The following FSTL4 variants were observed in gnomAD, a reference collection of about 807,000 sequenced individuals.
FSTL4 encodes the protein follistatin-related protein 4.
Under a neutral mutation model 78.2 loss-of-function variants are expected in FSTL4, and 28 were observed. The ratio of observed to expected loss-of-function variants is 0.36; its 90% CI spans 0.27 to 0.49. The LOEUF is 0.49. FSTL4 is among the 20% of genes least tolerant of loss of function. The pLI, the probability that FSTL4 is intolerant of heterozygous loss-of-function variation, is 0.98. For missense variants in FSTL4, 922 were observed against 1,084.9 expected (o/e 0.85, Z 2.11); for synonymous variants, 422 against 440.5 (o/e 0.96, Z 0.53).
chr5:133,567,170 A>C lies in FSTL4; in HGVS notation c.160+16T>G, dbSNP rs1017223077. On this transcript the variant is annotated intron_variant, in intron 3 of 15. Transcript: ENST00000265342. ...CAACACTGAAAATAAAATGGGTATG[A>C]GTGCATTTTTCCTACCTTCTCTTCT... 3.2e-6 allele frequency: 5 copies of C among 1,566,654 alleles called. No individual in the cohort carries two copies. The African/African-American group carries it at 6.8e-5, about 21-fold the overall frequency.
At chr5:133,448,749 G>C (rs572591752) in intron 3 of FSTL4, among the ~76,000 whole-genome samples, 4 of 140,256 alleles carry the variant, frequency 2.9e-5, no homozygotes, top group East Asian at 2.4e-4. Context: ...CGGGGGGGGG[G>C]GGCGCTCAGA....
At chr5:133,816,421 T>A in the FSTL4 span, among the ~76,000 whole-genome samples, 1 of 152,192 alleles carries the variant, frequency 6.6e-6, no homozygotes, top group Non-Finnish European at 1.5e-5. Context: ...TGCACAGTCC[T>A]GGTTTGCTCA....
the FSTL4 span, among the ~76,000 whole-genome samples, chr5:133,671,955 G>T: frequency 6.6e-6 from 1 of 152,166 alleles, no homozygotes; most frequent in Non-Finnish European, 1.5e-5. Flanking sequence ...TGTTACCACA[G>T]GTCTTTGAAT....
chr5:133,442,450 C>T (rs1428989285), intron 3 of FSTL4, among the ~76,000 whole-genome samples: 1 of 152,020 alleles, frequency 6.6e-6, no homozygotes, highest in African/African-American at 2.4e-5. Flanking sequence ...GCCTTCTCTT[C>T]TGCAGCTTTT....
intron 7 of FSTL4, among the ~76,000 whole-genome samples, chr5:133,245,306 CCT>C (rs1320259520): frequency 6.6e-6 from 1 of 151,986 alleles, no homozygotes; most frequent in Non-Finnish European, 1.5e-5. Context: ...ACTTCTGGAC[CCT>C]CTGTTATGTG....
intron 12 of FSTL4, among the ~76,000 whole-genome samples, 185 bp from the exon 13 acceptor site, chr5:133,217,563 T>C (rs1377096200): frequency 6.6e-6 from 1 of 152,188 alleles, no homozygotes; most frequent in East Asian, 1.9e-4. Flanking sequence ...TCCTTTAATC[T>C]TTTGGGGCTA....
At chr5:133,608,797 G>C (rs1761026763) in intron 1 of FSTL4, among the ~76,000 whole-genome samples, 1 of 152,212 alleles carries the variant, frequency 6.6e-6, no homozygotes, top group African/African-American at 2.4e-5. Context: ...GAAGAAAGCT[G>C]AAAAAGCATG....
In FSTL4 at chr5:133,225,215, T is replaced by C; in HGVS notation, c.1247A>G (p.Lys416Arg). The C allele has an allele frequency of 6.2e-7, 1 of 1,614,184 alleles. No homozygotes were observed. Among genetic ancestry groups the C allele is most frequent in the Non-Finnish European group, 8.5e-7 (1 of 1,180,010 alleles). The change falls in exon 10 of 16, where the codon AAA becomes AGA. Residue 416 changes from lysine (K) to arginine (R), a missense_variant. Lys to Arg is a conservative substitution (Grantham distance 26). Transcript: ENST00000265342. This position sits in a 1 kb window ranked among gnomAD's most constrained non-coding sequence, Gnocchi z 4.6. ...EDTGAYTCIA[K>R]NEVGVDEDIS... ...ATCTTCATCCACACCCACTTCATTT[T>C]TGGCAATGCAGGTGTATGCCCCTGT...
rs530020200 is a variant in FSTL4, at chr5:133,612,456, G to T, written c.-142C>A. ...TTTCTCGGGCTGTCGGCGGGTCCCG[G>T]GCTCGCTGGAGGCTGTTGAGGCTCC... is the stretch of plus-strand genomic sequence containing the variant. On this transcript the variant is annotated 5_prime_UTR_variant, in exon 1 of 16. Coordinates refer to ENST00000265342, the MANE Select transcript of FSTL4 (RefSeq NM_015082.2). The surrounding 1 kb of genome is among the most constrained non-coding windows in gnomAD (Gnocchi z 6.2). 2.6e-5 allele frequency: 4 copies of T among 152,042 alleles called. No individual in the cohort carries two copies. In the South Asian group the frequency reaches 8.3e-4, roughly 31 times the overall value. The allele number at this position is 152,042 out of a possible 1,614,324, so 9.4% of individuals were successfully genotyped here.
At chr5:133,649,874 T>G in the FSTL4 span, among the ~76,000 whole-genome samples, 1 of 152,116 alleles carries the variant, frequency 6.6e-6, no homozygotes, top group African/African-American at 2.4e-5. Context: ...AGTTCAGTAT[T>G]TTAGTCCATT....
the FSTL4 span, among the ~76,000 whole-genome samples, chr5:133,648,952 A>G: frequency 1.3e-5 from 2 of 152,172 alleles, no homozygotes; most frequent in Admixed American, 6.5e-5. Context: ...ATGTAAAATG[A>G]CATGTATCCA....
intron 6 of FSTL4, among the ~76,000 whole-genome samples, chr5:133,276,696 T>C (rs1010043527): frequency 1.3e-4 from 20 of 152,220 alleles, no homozygotes; most frequent in Non-Finnish European, 1.2e-4. Flanking sequence ...TCTGTGCATA[T>C]TCTCCACCAG....
At chr5:133,565,170 C>T (rs752673198) in intron 3 of FSTL4, among the ~76,000 whole-genome samples, 5 of 152,272 alleles carry the variant, frequency 3.3e-5, no homozygotes, top group East Asian at 3.9e-4. Flanking sequence ...TCTTTCAGTC[C>T]GGGGTCGAGT....
chr5:133,263,063 C>A (rs767698190), intron 6 of FSTL4, among the ~76,000 whole-genome samples: 10 of 152,092 alleles, frequency 6.6e-5, no homozygotes, highest in Admixed American at 6.5e-5. Flanking sequence ...ACAGGCTTGA[C>A]TGGATGGGGA....
intron 3 of FSTL4, among the ~76,000 whole-genome samples, chr5:133,538,161 T>C (rs1348450086): frequency 6.6e-6 from 1 of 152,114 alleles, no homozygotes; most frequent in African/African-American, 2.4e-5. Flanking sequence ...GATCACAGAT[T>C]GCATTTAGTT....
At chr5:133,492,724 T>G (rs11740990) in intron 3 of FSTL4, among the ~76,000 whole-genome samples, 26,068 of 152,114 alleles carry the variant, frequency 0.17, 2,353 homozygotes, top group Non-Finnish European at 0.2. Flanking sequence ...TTAAAAAAAT[T>G]TTGGAAAAGG....
chr5:133,317,124 C>A (rs1480726089), intron 4 of FSTL4, among the ~76,000 whole-genome samples: 1 of 151,882 alleles, frequency 6.6e-6, no homozygotes, highest in Non-Finnish European at 1.5e-5. Context: ...ACTAATAAGC[C>A]CTGCTTATGT....
At chr5:133,637,449 T>C in the FSTL4 span, among the ~76,000 whole-genome samples, 1 of 152,140 alleles carries the variant, frequency 6.6e-6, no homozygotes. Context: ...GGCTGGAGAC[T>C]ATGCATAGAA....
At position 133,525,130 on chromosome 5, in the gene FSTL4, C is replaced by T. The variant is rs1219566530; in HGVS notation, c.160+42056G>A. On this transcript the variant is annotated intron_variant, in intron 3 of 15. Coordinates refer to ENST00000265342, the MANE Select transcript of FSTL4 (RefSeq NM_015082.2). ...CACAGTCGATATGTCAGTTTGATGT[C>T]TCAAGAGCTACCATTAATTATGTAT... Among the ~76,000 whole-genome samples the T allele has an allele frequency of 2.0e-5, 3 of 152,182 alleles. 1 individual carries two copies. The highest frequency in any genetic ancestry group is 4.4e-5 in the Non-Finnish European group (3 of 68,036).
Sources: allele counts gnomAD v4.1 joint callset (sites outside exome capture counted in the v4.1 genomes callset), GRCh38; gene constraint gnomAD v4.1.1; non-coding constraint Gnocchi (gnomAD v3.1); transcripts MANE v1.5; gene names NCBI Gene and HGNC (gene_info 2026-07-23, HGNC 2026-07-21).